The following STK4 variants were observed in gnomAD, a reference collection of about 807,000 sequenced individuals.
STK4 encodes the protein serine/threonine-protein kinase 4.
In STK4, 30 loss-of-function variants were observed where a neutral mutation model predicts 64.9. That is an observed-to-expected ratio of 0.46 (90% CI 0.35 to 0.63). The LOEUF (loss-of-function observed/expected upper bound fraction) is 0.63, where lower values mean the gene tolerates loss of function less well. STK4 is among the 20% of genes least tolerant of loss of function. STK4 has a pLI of 0.01. For missense variants in STK4, 466 were observed against 598.5 expected (o/e 0.78, Z 2.31); for synonymous variants, 177 against 199.0 (o/e 0.89, Z 0.93).
chr20:44,968,852 AT>A (rs2067198519), intron 1 of STK4, among the ~76,000 whole-genome samples: 2 of 152,222 alleles, frequency 1.3e-5, no homozygotes, highest in Non-Finnish European at 2.9e-5. Flanking sequence ...GATCAATTTT[AT>A]TATCACGTGT....
intron 10 of STK4, among the ~76,000 whole-genome samples, chr20:45,052,196 A>G (rs953468246): frequency 7.9e-5 from 12 of 152,158 alleles, no homozygotes; most frequent in African/African-American, 2.9e-4. Context: ...TTAACCTTCT[A>G]GTTGTAAAAA....
chr20:45,029,577 T>G (rs1056539367), intron 10 of STK4, among the ~76,000 whole-genome samples: 1 of 152,232 alleles, frequency 6.6e-6, no homozygotes, highest in Non-Finnish European at 1.5e-5. Flanking sequence ...ACCTTGATCC[T>G]AAAGCAAGCA....
At chr20:44,990,583 C>T (rs1314083316) in intron 5 of STK4, among the ~76,000 whole-genome samples, 1 of 152,038 alleles carries the variant, frequency 6.6e-6, no homozygotes, top group Non-Finnish European at 1.5e-5. Flanking sequence ...AGGCTGTAGG[C>T]CTTGTTGGCA....
chr20:45,032,044 T>C (rs189350366), intron 10 of STK4, among the ~76,000 whole-genome samples: 68 of 152,250 alleles, frequency 4.5e-4, no homozygotes, highest in African/African-American at 1.6e-3. Flanking sequence ...AACATACATA[T>C]TTATCCCAAA....
chr20:44,975,563 A>G (rs2067325672), intron 2 of STK4: 1 of 182,070 alleles, frequency 5.5e-6, no homozygotes, highest in East Asian at 1.9e-4. Flanking sequence ...ATCAGCGGAG[A>G]CTAAAGCATG....
chr20:45,061,708 G>C (rs1338709815), intron 10 of STK4, among the ~76,000 whole-genome samples: 1 of 150,918 alleles, frequency 6.6e-6, no homozygotes, highest in Non-Finnish European at 1.5e-5. Flanking sequence ...CAAGTAATTA[G>C]CATAGTACCC....
chr20:45,061,721 T>C (rs1388057265), intron 10 of STK4, among the ~76,000 whole-genome samples: 2 of 151,768 alleles, frequency 1.3e-5, no homozygotes, highest in Non-Finnish European at 2.9e-5. Flanking sequence ...TAGTACCCAA[T>C]AGGTGATTTA....
Position 45,025,124 on chromosome 20 carries a change from C to G in STK4, c.1299C>G (p.Tyr433Ter). The part of the protein sequence containing the change: ...SDWKIPQDGD[Y>*]EFLKSWTVED... Reference sequence around the variant, plus strand: ...GGAAAATACCACAGGATGGAGACTACGAGTTTGTAAGTAGTGTTGGAAGTA... The same window carrying G: ...GGAAAATACCACAGGATGGAGACTAGGAGTTTGTAAGTAGTGTTGGAAGTA... Residue 433 changes from tyrosine (Y) to a stop codon, truncating the protein, a stop_gained, in exon 10 of 11, where the codon TAC becomes TAG. Transcript: ENST00000372806. LOFTEE classifies it high-confidence loss of function. 3 of 1,608,304 alleles carry G rather than the reference C, an allele frequency of 1.9e-6. No homozygotes were observed. Among genetic ancestry groups the G allele is most frequent in the Non-Finnish European group, 2.5e-6 (3 of 1,177,664 alleles).
rs199894163 is a variant in STK4, at chr20:44,981,779, G to A, written c.246-50G>A. ...GTATATACTTGCTAGCATGAATTAA[G>A]AGATATTTGAAGGCCATTTTATTAA... is the stretch of plus-strand genomic sequence containing the variant. On this transcript the variant is annotated intron_variant, in intron 3 of 10. Coordinates refer to ENST00000372806, the MANE Select transcript of STK4 (RefSeq NM_006282.5). The A allele has an allele frequency of 6.2e-5, 66 of 1,069,792 alleles. 1 individual carries two copies. Among genetic ancestry groups the A allele is most frequent in the South Asian group, 2.7e-4 (21 of 78,674 alleles). The allele number at this position is 1,069,792 out of a possible 1,614,324, so 66.3% of individuals were successfully genotyped here.
At chr20:45,052,836 T>A (rs559351320) in intron 10 of STK4, among the ~76,000 whole-genome samples, 1 of 152,318 alleles carries the variant, frequency 6.6e-6, no homozygotes, top group South Asian at 2.1e-4. Context: ...TTTAGGTTTC[T>A]GACCCGGCAG....
At position 45,078,205 on chromosome 20, in the gene STK4, TG is replaced by T. The variant is rs1980662031; in HGVS notation, c.*3030del. The stretch of plus-strand genomic sequence containing the variant: ...AAAATCTCAGAATTCTTTTTTTGTT[TG>T]TGTTTTTTTTTTTTTTTGAGACAGA... On this transcript the variant is annotated 3_prime_UTR_variant, in exon 11 of 11. Transcript: ENST00000372806. 1 of 146,136 alleles carries T rather than the reference TG, an allele frequency of 6.8e-6. No individual in the cohort carries two copies. Among genetic ancestry groups the T allele is most frequent in the Non-Finnish European group, 1.5e-5 (1 of 66,298 alleles). The allele number at this position is 146,136 out of a possible 1,614,324, so 9.1% of individuals were successfully genotyped here. A position where few individuals can be genotyped will look rare whatever the true frequency, so the allele number is the denominator to read the frequency against.
chr20:45,049,804 C>T lies in STK4; in HGVS notation c.1305+24674C>T, dbSNP rs531894306. Among the ~76,000 whole-genome samples, 3 of 152,268 alleles carry T rather than the reference C, an allele frequency of 2.0e-5. No homozygotes were observed. The East Asian group carries it at 5.8e-4, about 29-fold the overall frequency. Reference sequence around the variant, plus strand: ...TTTAAGAATTCTCACCACTTCTCCTCCCATCTCAATTTTGTTGTTGTGGAA... The same window carrying T: ...TTTAAGAATTCTCACCACTTCTCCTTCCATCTCAATTTTGTTGTTGTGGAA... On this transcript the variant is annotated intron_variant, in intron 10 of 10. Coordinates refer to ENST00000372806, the MANE Select transcript of STK4 (RefSeq NM_006282.5).
At chr20:45,000,592 A>G (rs776782575) in intron 8 of STK4, 72 bp downstream of exon 8, 3 of 1,594,898 alleles carry the variant, frequency 1.9e-6, no homozygotes, top group Non-Finnish European at 2.6e-6. Context: ...ACCAGGTAAG[A>G]TGAGTAGGAG....
intron 10 of STK4, among the ~76,000 whole-genome samples, chr20:45,037,510 A>G (rs6130735): frequency 0.12 from 18,966 of 152,148 alleles, 1,545 homozygotes; most frequent in East Asian, 0.22. Flanking sequence ...AGGATATAAA[A>G]CCACCAAACT....
intron 4 of STK4, among the ~76,000 whole-genome samples, chr20:44,984,095 T>C (rs1601199591): frequency 7.1e-6 from 1 of 140,272 alleles, no homozygotes; most frequent in East Asian, 1.9e-4. Flanking sequence ...GATGGCACTT[T>C]TGGTTTTTTT....
At chr20:44,975,591 G>A (rs1167247266) in intron 2 of STK4, 2 of 160,554 alleles carry the variant, frequency 1.2e-5, no homozygotes, top group East Asian at 3.8e-4. Flanking sequence ...CTTGTCAGGA[G>A]ATTGCATTTG....
At position 45,011,729 on chromosome 20, in the gene STK4, ATTTTTTT is replaced by A. The variant is rs869113711; in HGVS notation, c.1147+10387_1147+10393del. On this transcript the variant is annotated intron_variant, in intron 9 of 10. Transcript: ENST00000372806. The stretch of plus-strand genomic sequence containing the variant: ...CATACATATATATATATATATATAT[ATTTTTTT>A]TTTTTTTTTTAAGTCAAGTTGTTGG... 4.8e-4 allele frequency among the ~76,000 whole-genome samples: 55 copies of A among 115,314 alleles called. 2 individuals are homozygous for A. The highest frequency in any genetic ancestry group is 7.1e-4 in the Non-Finnish European group (41 of 57,726). 75.7% of individuals were successfully genotyped at this position (115,314 alleles called of 152,430 possible).
At chr20:45,028,063 A>G (rs938419330) in intron 10 of STK4, among the ~76,000 whole-genome samples, 5 of 152,244 alleles carry the variant, frequency 3.3e-5, no homozygotes, top group Admixed American at 6.5e-5. Flanking sequence ...TAGTGTTGCA[A>G]TAAATAGGAG....
In STK4 at chr20:44,978,781, GT is replaced by G. The variant is rs377295791; in HGVS notation, c.245+221del. 1.4e-4 allele frequency among the ~76,000 whole-genome samples: 17 copies of G among 124,958 alleles called. 1 individual carries two copies. In the East Asian group the frequency reaches 2.1e-3, roughly 15 times the overall value. The allele number at this position is 124,958 out of a possible 152,430, so 82.0% of individuals were successfully genotyped here. A position where few individuals can be genotyped will look rare whatever the true frequency, so the allele number is the denominator to read the frequency against. On this transcript the variant is annotated intron_variant, in intron 3 of 10. Transcript: ENST00000372806. ...CCGTAATTTTTATGCATGGTGTTTT[GT>G]TTTTTTTTTTCAATTTTTCTTTTTT...
Sources: allele counts gnomAD v4.1 joint callset (sites outside exome capture counted in the v4.1 genomes callset), GRCh38; gene constraint gnomAD v4.1.1; transcripts MANE v1.5; gene names NCBI Gene and HGNC (gene_info 2026-07-23, HGNC 2026-07-21).